EYS: variants seen among roughly 807,000 people sequenced by gnomAD.
The protein encoded by EYS is EGF-like photoreceptor maintenance factor.
A neutral mutation model predicts 282.1 loss-of-function variants in EYS; 250 were observed. The ratio of observed to expected loss-of-function variants is 0.89; its 90% CI spans 0.80 to 0.98. The LOEUF is 0.98. Ranked by LOEUF, EYS falls within the 50% of genes least tolerant of loss-of-function variation. The pLI is 0.00. For missense variants in EYS, 4,016 were observed against 3,709.0 expected (o/e 1.08, Z -2.15); for synonymous variants, 1,355 against 1,282.9 (o/e 1.06, Z -1.20).
intron 13 of EYS, among the ~76,000 whole-genome samples, chr6:65,056,754 GT>G (rs1454641770): frequency 2.0e-5 from 3 of 152,146 alleles, no homozygotes; most frequent in Non-Finnish European, 2.9e-5. Context: ...TTAGAACATT[GT>G]TGGAAATTAT....
intron 2 of EYS, among the ~76,000 whole-genome samples, chr6:65,583,753 A>C (rs1302612254): frequency 6.6e-6 from 1 of 152,060 alleles, no homozygotes; most frequent in Non-Finnish European, 1.5e-5. Context: ...TTTTCTTTAA[A>C]TAATGAAGTT....
chr6:64,061,891 G>A (rs1771183626), intron 33 of EYS, among the ~76,000 whole-genome samples: 1 of 151,796 alleles, frequency 6.6e-6, no homozygotes, highest in South Asian at 2.1e-4. Flanking sequence ...TTGGGTGGCT[G>A]AGGCAGGAGA....
chr6:65,360,226 T>C (rs1318427337), intron 8 of EYS, among the ~76,000 whole-genome samples: 1 of 151,962 alleles, frequency 6.6e-6, no homozygotes, highest in Non-Finnish European at 1.5e-5. Flanking sequence ...TTCTAAAATA[T>C]CTTATTCTAT....
chr6:64,941,807 T>A (rs1192264973), intron 15 of EYS, among the ~76,000 whole-genome samples: 1 of 152,180 alleles, frequency 6.6e-6, no homozygotes, highest in African/African-American at 2.4e-5. Flanking sequence ...TCTTCATGGC[T>A]GCATAGTAGT....
intron 34 of EYS, among the ~76,000 whole-genome samples, chr6:63,988,479 C>T (rs538205288): frequency 4.6e-5 from 7 of 151,596 alleles, no homozygotes. Context: ...ATGTGAGGCT[C>T]ATGCTTAGTT....
intron 22 of EYS, among the ~76,000 whole-genome samples, chr6:64,729,299 T>C (rs1466636738): frequency 1.3e-5 from 2 of 152,272 alleles, no homozygotes; most frequent in African/African-American, 4.8e-5. Context: ...ATTATATTAT[T>C]GCTTAACAAG....
At chr6:65,382,087 T>TTGTCC (rs1229876755) in intron 8 of EYS, among the ~76,000 whole-genome samples, 1 of 151,894 alleles carries the variant, frequency 6.6e-6, no homozygotes, top group Non-Finnish European at 1.5e-5. Context: ...TATTGTTGTC[T>TTGTCC]TTTTAAAAAT....
chr6:65,091,200 G>A (rs529755376), intron 12 of EYS, among the ~76,000 whole-genome samples: 13 of 149,582 alleles, frequency 8.7e-5, no homozygotes, highest in South Asian at 4.2e-4. Flanking sequence ...TTGGGAGGCC[G>A]AGGTGGGTGG....
At chr6:63,950,270 G>C (rs1289282405) in intron 35 of EYS, among the ~76,000 whole-genome samples, 1 of 151,504 alleles carries the variant, frequency 6.6e-6, no homozygotes, top group African/African-American at 2.4e-5. Flanking sequence ...TGTCCAGATG[G>C]CTTGAAGTAT....
Position 63,721,633 on chromosome 6 carries a change from C to G in EYS, c.8398G>C (p.Asp2800His), listed in dbSNP as rs1028137106. The change falls in exon 43 of 43, where the codon GAT becomes CAT. Residue 2800 changes from aspartate to histidine, a missense_variant. Physicochemically the swap from Asp to His is moderately conservative, Grantham distance 81. Coordinates refer to ENST00000503581, the MANE Select transcript of EYS (RefSeq NM_001142800.2). ...GCCTTTTCTGTTACATTTATCCCAT[C>G]TAGATCCAGGTAGCCTTCTGCACCA... The part of the protein sequence containing the change: ...RVGAEGYLDL[D>H]GINVTEKAST... The G allele has an allele frequency of 6.4e-7, 1 of 1,551,332 alleles. No homozygotes were observed. The highest frequency in any genetic ancestry group is 8.7e-7 in the Non-Finnish European group (1 of 1,146,600).
intron 41 of EYS, among the ~76,000 whole-genome samples, chr6:63,745,906 C>G (rs2149645333): frequency 6.6e-6 from 1 of 152,296 alleles, no homozygotes; most frequent in South Asian, 2.1e-4. Context: ...AGAAACACCA[C>G]AGAGCATGCT....
At chr6:64,258,982 T>G (rs962015230) in intron 30 of EYS, among the ~76,000 whole-genome samples, 1 of 152,070 alleles carries the variant, frequency 6.6e-6, no homozygotes, top group East Asian at 1.9e-4. Flanking sequence ...ACATAATACA[T>G]AAAAGTAATC....
chr6:65,234,946 A>G (rs1252512299), intron 12 of EYS, among the ~76,000 whole-genome samples: 1 of 152,228 alleles, frequency 6.6e-6, no homozygotes, highest in African/African-American at 2.4e-5. Flanking sequence ...AATATAGAAT[A>G]AAGTCACAGA....
At chr6:64,610,751 TG>T (rs1215552498) in intron 24 of EYS, among the ~76,000 whole-genome samples, 1 of 152,184 alleles carries the variant, frequency 6.6e-6, no homozygotes, top group Non-Finnish European at 1.5e-5. Flanking sequence ...CATAATAAAA[TG>T]TAAGGCAACT....
At chr6:64,126,926 GC>G (rs1261134456) in intron 31 of EYS, among the ~76,000 whole-genome samples, 1 of 151,904 alleles carries the variant, frequency 6.6e-6, no homozygotes, top group African/African-American at 2.4e-5. Flanking sequence ...CTAGTCCAAT[GC>G]CTATTCTAGG....
Position 65,410,777 on chromosome 6 carries a change from C to CA in EYS, c.863-5411dup, listed in dbSNP as rs554006017. ...TTATTGCAGCATGATTTATAATAGCCAAAAAATGGAATCAACCTAAGTGTT... is the reference window on the plus strand; with the variant it reads ...TTATTGCAGCATGATTTATAATAGCCAAAAAAATGGAATCAACCTAAGTGTT... On this transcript the variant is annotated intron_variant, in intron 5 of 42. Transcript: ENST00000503581. Among the ~76,000 whole-genome samples, 630 of 151,296 alleles carry CA rather than the reference C, an allele frequency of 4.2e-3. 4 individuals are homozygous for CA. Among genetic ancestry groups the CA allele is most frequent in the African/African-American group, 0.014 (597 of 41,262 alleles).
At chr6:65,074,719 G>A (rs1773996193) in intron 12 of EYS, among the ~76,000 whole-genome samples, 1 of 151,888 alleles carries the variant, frequency 6.6e-6, no homozygotes, top group Non-Finnish European at 1.5e-5. Flanking sequence ...TGCTTTGTGG[G>A]GCCAAGTAAC....
intron 9 of EYS, among the ~76,000 whole-genome samples, chr6:65,352,344 G>A (rs964444025): frequency 4.6e-5 from 7 of 151,800 alleles, no homozygotes; most frequent in African/African-American, 1.4e-4. Context: ...AAACTGAAGT[G>A]CCAAAATATC....
rs572444032 is a variant in EYS, at chr6:65,597,054, T to C, written c.-333+42724A>G. On this transcript the variant is annotated intron_variant, in intron 2 of 42. Transcript: ENST00000503581. ...CAGAAGTTCAAAACATACTAATGCA[T>C]ATGAACATTATATTAGAGACCACTG... Among the ~76,000 whole-genome samples, 124 of 152,224 alleles carry C rather than the reference T, an allele frequency of 8.1e-4. 1 individual carries two copies. Among genetic ancestry groups the C allele is most frequent in the Non-Finnish European group, 1.1e-3 (77 of 68,004 alleles).
Sources: allele counts gnomAD v4.1 joint callset (sites outside exome capture counted in the v4.1 genomes callset), GRCh38; gene constraint gnomAD v4.1.1; transcripts MANE v1.5; gene names NCBI Gene and HGNC (gene_info 2026-07-23, HGNC 2026-07-21).